Variants in ZKSCAN7 observed in about 807,000 individuals in gnomAD.
ZKSCAN7 encodes the protein zinc finger protein with KRAB and SCAN domains 7.
A neutral mutation model predicts 65.3 loss-of-function variants in ZKSCAN7; 38 were observed. That is an observed-to-expected ratio of 0.58 (90% confidence interval 0.45 to 0.76). ZKSCAN7 has a LOEUF of 0.76. Ranked by LOEUF, ZKSCAN7 falls within the 30% of genes least tolerant of loss-of-function variation. The probability of loss-of-function intolerance (pLI) is 0.00; values close to 1 mark genes in which losing one functional copy is unlikely to be tolerated. For synonymous variants in ZKSCAN7, 321 were observed against 321.0 expected, an observed-to-expected ratio of 1.00 and a Z score of 0.00; for missense variants, 815 against 913.3, an observed-to-expected ratio of 0.89 and a Z score of 1.39.
intron 3 of ZKSCAN7, among the ~76,000 whole-genome samples, 174 bp downstream of exon 3, chr3:44,565,829 AG>A (rs754206854): frequency 6.6e-6 from 1 of 152,178 alleles, no homozygotes; most frequent in Non-Finnish European, 1.5e-5. Flanking sequence ...TCATTCGTGT[AG>A]TTAGTAAGTT....
At position 44,571,312 on chromosome 3, in the gene ZKSCAN7, T is replaced by G; in HGVS notation, c.2202T>G (p.Phe734Leu). 1 of 1,614,242 alleles carries G rather than the reference T, an allele frequency of 6.2e-7. No homozygotes were observed. Among genetic ancestry groups the G allele is most frequent in the Non-Finnish European group, 8.5e-7 (1 of 1,180,042 alleles). ...AAGCCTTTAGTCAGCGTTCCACTTT[T>G]AATCACCACCAGCGAACTCACACTG... ...CGKAFSQRSTFNHHQRTHTGE... is the reference protein window; with the variant it reads ...CGKAFSQRSTLNHHQRTHTGE... The change falls in exon 6 of 6, where the codon TTT becomes TTG. Residue 734 changes from phenylalanine (F) to leucine (L), a missense_variant. Phe to Leu is a conservative substitution (Grantham distance 22). Transcript: ENST00000426540.
In ZKSCAN7 at chr3:44,555,444, T is replaced by A. The variant is rs571510418; in HGVS notation, c.-156T>A. The stretch of plus-strand genomic sequence containing the variant: ...TTCGTGCGTGGCACGGAGCCGGGTA[T>A]CTGCGGGTACAGCGATGAACAGGGC... On this transcript the variant is annotated 5_prime_UTR_variant, in exon 1 of 6. Transcript: ENST00000426540. The A allele has an allele frequency of 6.6e-6, 1 of 152,434 alleles. No individual in the cohort carries two copies. Among genetic ancestry groups the A allele is most frequent in the South Asian group, 2.1e-4 (1 of 4,830 alleles). 9.4% of individuals were successfully genotyped at this position (152,434 alleles called of 1,614,324 possible).
chr3:44,581,255 T>C (rs903952275), intron 5 of ZKSCAN7, among the ~76,000 whole-genome samples: 1 of 148,432 alleles, frequency 6.7e-6, no homozygotes, highest in African/African-American at 2.4e-5. Context: ...CCAGCCGCCG[T>C]GGGCCCAAGG....
In ZKSCAN7 at chr3:44,570,364, G is replaced by C; in HGVS notation, c.1254G>C (p.Lys418Asn). ...CCTATGAGTGTAATGAGTGTGGGAA[G>C]ACCTTCAGGCAAACCTCCCAGCTCA... ...EKPYECNECGKTFRQTSQLIV... is the reference protein window; with the variant it reads ...EKPYECNECGNTFRQTSQLIV... Residue 418 changes from lysine (K) to asparagine (N), a missense_variant, in exon 6 of 6, where the codon AAG (lysine) becomes AAC (asparagine). This residue lies in a region of ZKSCAN7 where 578 missense variants were observed against 629.5 expected (regional missense o/e 0.92). Transcript: ENST00000426540. The C allele has an allele frequency of 1.2e-6, 2 of 1,613,550 alleles. No individual in the cohort carries two copies. The highest frequency in any genetic ancestry group is 1.7e-6 in the Non-Finnish European group (2 of 1,179,876).
chr3:44,571,200 G>A lies in ZKSCAN7; in HGVS notation c.2090G>A (p.Gly697Glu), dbSNP rs749025014. 6.2e-6 allele frequency: 10 copies of A among 1,614,122 alleles called. No homozygotes were observed. The highest frequency in any genetic ancestry group is 6.8e-6 in the Non-Finnish European group (8 of 1,180,036). ...GEKPYKCNDCGKAFSDSSQLI... is the reference protein window; with the variant it reads ...GEKPYKCNDCEKAFSDSSQLI... ...AAACCCTATAAATGCAATGATTGTGGGAAAGCTTTTAGTGACAGCTCACAG... is the reference window on the plus strand; with the variant it reads ...AAACCCTATAAATGCAATGATTGTGAGAAAGCTTTTAGTGACAGCTCACAG... The change falls in exon 6 of 6, where the codon GGG (glycine) becomes GAG (glutamate). Residue 697 changes from glycine to glutamate, a missense_variant. Transcript: ENST00000426540.
intron 5 of ZKSCAN7, chr3:44,580,536 G>A: frequency 6.2e-7 from 1 of 1,613,432 alleles, no homozygotes; most frequent in Non-Finnish European, 8.5e-7. Flanking sequence ...CGGTGTGGGG[G>A]GCTCCACTTT....
intron 5 of ZKSCAN7, among the ~76,000 whole-genome samples, chr3:44,569,389 T>C (rs529308329): frequency 6.6e-6 from 1 of 152,324 alleles, no homozygotes; most frequent in African/African-American, 2.4e-5. Flanking sequence ...TCATGTAAGA[T>C]CTGTTCTTTT....
intron 2 of ZKSCAN7, among the ~76,000 whole-genome samples, chr3:44,564,836 T>A (rs1699586612): frequency 6.6e-6 from 1 of 152,204 alleles, no homozygotes; most frequent in Non-Finnish European, 1.5e-5. Flanking sequence ...AGTCTCGCTC[T>A]GTCACCCAGG....
At position 44,561,390 on chromosome 3, in the gene ZKSCAN7, C is replaced by T. The variant is rs182256586; in HGVS notation, c.423+3920C>T. On this transcript the variant is annotated intron_variant, in intron 2 of 5. Transcript: ENST00000426540. The stretch of plus-strand genomic sequence containing the variant: ...CTCCCACCAGGCCCCTCCTCCAATT[C>T]GTTGTGAGATTTGGGTGGGAACACA... Among the ~76,000 whole-genome samples, 32 of 152,290 alleles carry T rather than the reference C, an allele frequency of 2.1e-4. No individual in the cohort carries two copies. The South Asian group carries it at 5.0e-3, about 24-fold the overall frequency.
Position 44,571,032 on chromosome 3 carries a change from G to GA in ZKSCAN7, c.1926dup (p.Ser643IlefsTer18), listed in dbSNP as rs1699791936. ...AAGCCCTATAAATGCAATGAGTGTGGAAAATCCTTCAATCAAAACTCACAC... is the reference window on the plus strand; with the variant it reads ...AAGCCCTATAAATGCAATGAGTGTGGAAAAATCCTTCAATCAAAACTCACAC... On this transcript the variant is annotated frameshift_variant, in exon 6 of 6. Transcript: ENST00000426540. LOFTEE classifies it high-confidence loss of function. 6.2e-7 allele frequency: 1 copy of GA among 1,614,062 alleles called. No homozygotes were observed. Among genetic ancestry groups the GA allele is most frequent in the Non-Finnish European group, 8.5e-7 (1 of 1,180,034 alleles).
At chr3:44,581,194 C>T (rs1210062507) in intron 5 of ZKSCAN7, among the ~76,000 whole-genome samples, 2 of 147,052 alleles carry the variant, frequency 1.4e-5, no homozygotes, top group African/African-American at 4.9e-5. Flanking sequence ...CCTGAGCCGC[C>T]CGGGCCTCAC....
At chr3:44,559,371 G>T (rs999178400) in intron 2 of ZKSCAN7, among the ~76,000 whole-genome samples, 1 of 152,026 alleles carries the variant, frequency 6.6e-6, no homozygotes, top group African/African-American at 2.4e-5. Context: ...CTACCCCTTT[G>T]TACTTTATCA....
Position 44,569,900 on chromosome 3 carries a change from G to A in ZKSCAN7, c.812-22G>A, listed in dbSNP as rs535863611. On this transcript the variant is annotated intron_variant, in intron 5 of 5. Transcript: ENST00000426540. ...ACAGGATAAGAAATGGGTAAAAGTT[G>A]TTGTCTTCTTTCTTTGGGCAGCAGG... is the stretch of plus-strand genomic sequence containing the variant. The A allele has an allele frequency of 6.6e-6, 10 of 1,511,056 alleles. No homozygotes were observed. The African/African-American group carries it at 9.8e-5, about 15-fold the overall frequency. The allele number at this position is 1,511,056 out of a possible 1,614,324, so 93.6% of individuals were successfully genotyped here. A position where few individuals can be genotyped will look rare whatever the true frequency, so the allele number is the denominator to read the frequency against.
rs769216367 is a variant in ZKSCAN7 at position 44,570,527 on chromosome 3, G to A, written c.1417G>A (p.Ala473Thr). 7 of 1,612,410 alleles carry A rather than the reference G, an allele frequency of 4.3e-6. No individual in the cohort carries two copies. The Admixed American group carries it at 6.7e-5, about 15-fold the overall frequency. The change falls in exon 6 of 6, where the codon GCA becomes ACA. Residue 473 changes from alanine (A) to threonine (T), a missense_variant. This residue lies in a region of ZKSCAN7 where 578 missense variants were observed against 629.5 expected (regional missense o/e 0.92). Coordinates refer to ENST00000426540, the MANE Select transcript of ZKSCAN7 (RefSeq NM_001288590.2). ...GAAACCCTATAAATGTAATGAATGT[G>A]CAAAAGCCTTTACTCAGAGTTCCCG... ...GEKPYKCNECAKAFTQSSRLT... is the reference protein window; with the variant it reads ...GEKPYKCNECTKAFTQSSRLT...
chr3:44,576,023 G>T (rs1699915878), downstream of ZKSCAN7, among the ~76,000 whole-genome samples: 1 of 152,100 alleles, frequency 6.6e-6, no homozygotes, highest in African/African-American at 2.4e-5. Flanking sequence ...TTAAAGGCTA[G>T]CTAGAAATGA....
At chr3:44,565,800 C>T in intron 3 of ZKSCAN7, 145 bp downstream of exon 3, 1 of 888,756 alleles carries the variant, frequency 1.1e-6, no homozygotes, top group Non-Finnish European at 1.6e-6. Context: ...CCTGTTTGTT[C>T]CTTTTGCTTA....
chr3:44,570,813 G>C lies in ZKSCAN7; in HGVS notation c.1703G>C (p.Arg568Pro). 3.1e-6 allele frequency: 5 copies of C among 1,614,032 alleles called. No individual in the cohort carries two copies. Among genetic ancestry groups the C allele is most frequent in the Non-Finnish European group, 4.2e-6 (5 of 1,180,014 alleles). ...KAFSRSKCLI[R>P]HQSLHTGEKP... is the part of the protein sequence containing the mutation. ...TTCAGTCGGAGTAAATGTCTTATTC[G>C]ACATCAGAGCCTCCATACTGGGGAA... The change falls in exon 6 of 6, where the codon CGA (arginine) becomes CCA (proline). Residue 568 changes from arginine (R) to proline (P), a missense_variant. This residue lies in a region of ZKSCAN7 where 578 missense variants were observed against 629.5 expected (regional missense o/e 0.92). Coordinates refer to ENST00000426540, the MANE Select transcript of ZKSCAN7 (RefSeq NM_001288590.2).
At chr3:44,578,505 C>A (rs547080740) in intron 5 of ZKSCAN7, among the ~76,000 whole-genome samples, 1 of 152,210 alleles carries the variant, frequency 6.6e-6, no homozygotes, top group African/African-American at 2.4e-5. Context: ...GCCTGCTGCC[C>A]GGCCTCCAGC....
rs147342082 is a variant in ZKSCAN7, at chr3:44,557,046, C to T, written c.-2C>T. 6 of 1,614,184 alleles carry T rather than the reference C, an allele frequency of 3.7e-6. No individual in the cohort carries two copies. In the South Asian group the frequency reaches 6.6e-5, roughly 18 times the overall value. On this transcript the variant is annotated 5_prime_UTR_variant, in exon 2 of 6. Coordinates refer to ENST00000426540, the MANE Select transcript of ZKSCAN7 (RefSeq NM_001288590.2). ...TGTAACAAGCTTCTCTTTGGGGTCA[C>T]AATGACCACTGCAGGCAGGGGAAAT... is the stretch of plus-strand genomic sequence containing the variant.
Sources: gnomAD v4.1 joint callset for allele counts (sites outside exome capture counted in the v4.1 genomes callset) on GRCh38, gnomAD v4.1.1 for gene constraint, gnomAD v4.1.1 regional missense constraint, MANE v1.5 for transcripts, NCBI Gene and HGNC (gene_info 2026-07-23, HGNC 2026-07-21) for gene names.